The following ZPLD1 variants were observed in gnomAD, a reference collection of about 807,000 sequenced individuals.
ZPLD1 encodes zona pellucida like domain containing 1.
ZPLD1 carries 34 observed loss-of-function variants against 47.2 expected under a neutral mutation model. That is an observed-to-expected ratio of 0.72 (90% CI 0.55 to 0.96). The LOEUF is 0.96. Ranked by LOEUF, ZPLD1 falls within the 40% of genes least tolerant of loss-of-function variation. ZPLD1 has a pLI of 0.00. For synonymous variants in ZPLD1, 176 were observed against 186.2 expected, an observed-to-expected ratio of 0.95 and a Z score of 0.45; for missense variants, 512 against 505.8, an observed-to-expected ratio of 1.01 and a Z score of -0.12.
chr3:102,447,709 G>C (rs988155594), intron 3 of ZPLD1, among the ~76,000 whole-genome samples: 6 of 152,152 alleles, frequency 3.9e-5, no homozygotes, highest in South Asian at 2.1e-4. Context: ...TCAGTTGAAT[G>C]CTGTTAGATT....
At chr3:102,477,335 G>T in intron 11 of ZPLD1, 108 bp from the exon 12 acceptor site, 1 of 1,136,962 alleles carries the variant, frequency 8.8e-7, no homozygotes, top group Non-Finnish European at 1.3e-6. Context: ...GTGCCATGCT[G>T]CTATTCTATG....
chr3:102,456,545 ATAT>A (rs1707417657), intron 5 of ZPLD1, among the ~76,000 whole-genome samples, 171 bp downstream of exon 5: 1 of 147,034 alleles, frequency 6.8e-6, no homozygotes, highest in African/African-American at 2.6e-5. Flanking sequence ...TTTATCTATT[ATAT>A]CTATCTATCT....
intron 9 of ZPLD1, 83 bp downstream of exon 9, chr3:102,469,218 A>C: frequency 7.1e-7 from 1 of 1,416,646 alleles, no homozygotes; most frequent in Non-Finnish European, 9.6e-7. Flanking sequence ...TAAGTTCTGC[A>C]TAGAAAGTGG....
At chr3:102,434,948 T>C (rs753673272), upstream of ZPLD1, 5 of 651,242 alleles carry the variant, frequency 7.7e-6, no homozygotes, top group Non-Finnish European at 1.3e-5. Flanking sequence ...AATACACATG[T>C]CTGGAATTGC....
Position 102,399,857 on chromosome 3 carries a change from C to T in ZPLD1, c.-157+7632C>T, listed in dbSNP as rs1036807914. On this transcript the variant is annotated intron_variant, in intron 7 of 17. Coordinates refer to the ZPLD1 transcript ENST00000491959. ...ATTTTGTGATAGAGTCTCTGTCTGT[C>T]GCCCAGGCTGGAATGCAGTGGTGTG... Among the ~76,000 whole-genome samples, 5 of 152,078 alleles carry T rather than the reference C, an allele frequency of 3.3e-5. No individual in the cohort carries two copies. In the South Asian group the frequency reaches 6.2e-4, roughly 19 times the overall value.
intron 3 of ZPLD1, among the ~76,000 whole-genome samples, chr3:102,441,093 G>A (rs554215667): frequency 6.6e-6 from 1 of 152,164 alleles, no homozygotes; most frequent in South Asian, 2.1e-4. Flanking sequence ...AGTCGCTGGC[G>A]GCCTGGGAAG....
intron 7 of ZPLD1, among the ~76,000 whole-genome samples, chr3:102,394,661 G>A (rs1706537001): frequency 6.6e-6 from 1 of 152,132 alleles, no homozygotes; most frequent in African/African-American, 2.4e-5. Flanking sequence ...CAGAATTATG[G>A]CCTACATTCC....
chr3:102,440,140 A>C (rs1428566859), intron 3 of ZPLD1, among the ~76,000 whole-genome samples: 1 of 152,198 alleles, frequency 6.6e-6, no homozygotes, highest in Non-Finnish European at 1.5e-5. Context: ...GTGTAATAAA[A>C]GTGTTTTCTC....
Position 102,447,986 on chromosome 3 carries a change from C to G in ZPLD1, c.107-4933C>G, listed in dbSNP as rs181280479. ...CTCAAATCAGGACACATTTTATACA[C>G]GGAGAGACAGATGGCTGATAATGTG... On this transcript the variant is annotated intron_variant, in intron 3 of 11. Transcript: ENST00000466937. 2.5e-3 allele frequency among the ~76,000 whole-genome samples: 375 copies of G among 152,050 alleles called. 4 individuals carry two copies. Among genetic ancestry groups the G allele is most frequent in the South Asian group, 1.0e-3 (5 of 4,798 alleles).
intron 3 of ZPLD1, among the ~76,000 whole-genome samples, chr3:102,452,114 CGTGT>C (rs56086826): frequency 0.12 from 16,336 of 141,570 alleles, 1,370 homozygotes; most frequent in African/African-American, 0.24. Flanking sequence ...ATATGAAGAC[CGTGT>C]GTGTGTGTGT....
intron 6 of ZPLD1, among the ~76,000 whole-genome samples, chr3:102,387,913 T>G (rs1166502921): frequency 1.4e-5 from 2 of 138,134 alleles, no homozygotes; most frequent in African/African-American, 2.8e-5. Flanking sequence ...CAGGCTGGAG[T>G]GCAGTGGTGC....
At chr3:102,475,966 A>G (rs990963898) in intron 10 of ZPLD1, among the ~76,000 whole-genome samples, 14 of 152,150 alleles carry the variant, frequency 9.2e-5, no homozygotes, top group African/African-American at 3.4e-4. Flanking sequence ...GTCAGTTTAT[A>G]TTATTTTAGA....
chr3:102,474,250 T>G (rs1384898825), intron 10 of ZPLD1, among the ~76,000 whole-genome samples: 4 of 152,172 alleles, frequency 2.6e-5, no homozygotes, highest in Admixed American at 2.0e-4. Flanking sequence ...AAGAGTACAA[T>G]TCTGGAAATC....
chr3:102,434,213 A>C (rs996534215), upstream of ZPLD1, among the ~76,000 whole-genome samples: 7 of 152,350 alleles, frequency 4.6e-5, no homozygotes, highest in East Asian at 9.6e-4. Flanking sequence ...TGGTACATAC[A>C]GTAACAGATC....
chr3:102,426,130 ATG>A lies in ZPLD1; in HGVS notation c.-9+7924_-9+7925del, dbSNP rs1364025308. On this transcript the variant is annotated intron_variant, in intron 8 of 17. Coordinates refer to the ZPLD1 transcript ENST00000491959. ...ATTTCCTACACACACACACACACAC[ATG>A]CACACACACACACACACACACACAC... 1.1e-3 allele frequency among the ~76,000 whole-genome samples: 144 copies of A among 136,532 alleles called. 1 individual carries two copies. Among genetic ancestry groups the A allele is most frequent in the African/African-American group, 4.1e-3 (126 of 30,740 alleles). 89.6% of individuals were successfully genotyped at this position (136,532 alleles called of 152,430 possible).
At chr3:102,411,916 T>C (rs2107299550) in intron 7 of ZPLD1, among the ~76,000 whole-genome samples, 1 of 151,880 alleles carries the variant, frequency 6.6e-6, no homozygotes, top group South Asian at 2.1e-4. Flanking sequence ...ATCTAGGGAA[T>C]GTTTTAAGAA....
At chr3:102,433,052 A>G (rs540470965), upstream of ZPLD1, among the ~76,000 whole-genome samples, 1 of 152,348 alleles carries the variant, frequency 6.6e-6, no homozygotes, top group South Asian at 2.1e-4. Flanking sequence ...CTTAGAAGTT[A>G]GAATGTAAGT....
chr3:102,412,915 T>C (rs183011258), intron 7 of ZPLD1, among the ~76,000 whole-genome samples: 37 of 151,768 alleles, frequency 2.4e-4, no homozygotes, highest in African/African-American at 8.7e-4. Flanking sequence ...GATTCAAGCA[T>C]TGAGGGCGTA....
intron 7 of ZPLD1, among the ~76,000 whole-genome samples, chr3:102,398,830 G>A (rs1706586322): frequency 1.3e-5 from 2 of 152,092 alleles, no homozygotes; most frequent in Admixed American, 1.3e-4. Context: ...CTTCCCACAT[G>A]CATATTTATA....
Sources: allele counts gnomAD v4.1 joint callset (sites outside exome capture counted in the v4.1 genomes callset), GRCh38; gene constraint gnomAD v4.1.1; transcripts MANE v1.5; gene names NCBI Gene and HGNC (gene_info 2026-07-23, HGNC 2026-07-21).